Variants in PCDH11X observed in about 807,000 individuals in gnomAD.
The protein encoded by PCDH11X is protocadherin-11 X-linked.
In PCDH11X, 18 loss-of-function variants were observed where a neutral mutation model predicts 53.3. The ratio of observed to expected loss-of-function variants is 0.34; its 90% CI spans 0.23 to 0.50. The LOEUF (loss-of-function observed/expected upper bound fraction) is 0.50. PCDH11X is among the 20% of genes least tolerant of loss of function. The pLI is 0.98. For missense variants in PCDH11X, 570 were observed against 1,032.4 expected, an observed-to-expected ratio of 0.55 and a Z score of 6.14; for synonymous variants, 279 against 393.3, an observed-to-expected ratio of 0.71 and a Z score of 3.44.
intron 5 of PCDH11X, among the ~76,000 whole-genome samples, chrX:91,848,440 G>T (rs1281653878): frequency 2.7e-5 from 3 of 111,209 alleles, no homozygotes; most frequent in African/African-American, 9.8e-5. Flanking sequence ...GAAGATAATT[G>T]ATACCATTGA....
chrX:92,024,604 A>G (rs1325006131), intron 6 of PCDH11X, among the ~76,000 whole-genome samples: 1 of 106,951 alleles, frequency 9.4e-6, no homozygotes, highest in East Asian at 3.0e-4. Context: ...TAATCTATAG[A>G]TTCAATTCTG....
chrX:91,943,722 TAAC>T (rs1458443112), intron 6 of PCDH11X, among the ~76,000 whole-genome samples: 3 of 98,529 alleles, frequency 3.0e-5, no homozygotes, highest in African/African-American at 3.7e-5. Context: ...TATTAGAAGT[TAAC>T]AACACAATCT....
At position 92,100,493 on chromosome X, in the gene PCDH11X, G is replaced by C. The variant is rs373564391; in HGVS notation, c.3034-100882G>C. On this transcript the variant is annotated intron_variant, in intron 6 of 10. Coordinates refer to ENST00000682573, the MANE Select transcript of PCDH11X (RefSeq NM_032968.5). ...TTTGAGCCAGGATGAGCCAGGAAAA[G>C]GACTTTCACAAGGTAATGTCATCAC... 4.5e-5 allele frequency among the ~76,000 whole-genome samples: 5 copies of C among 110,591 alleles called. No individual in the cohort carries two copies. The East Asian group carries it at 1.4e-3, about 32-fold the overall frequency.
At chrX:92,185,977 A>G (rs985228379) in intron 6 of PCDH11X, among the ~76,000 whole-genome samples, 1 of 111,623 alleles carries the variant, frequency 9.0e-6, no homozygotes, top group African/African-American at 3.3e-5. Flanking sequence ...ACAATAAAAC[A>G]ACTATATGAT....
intron 6 of PCDH11X, among the ~76,000 whole-genome samples, chrX:92,188,242 C>A: frequency 9.0e-6 from 1 of 111,364 alleles, no homozygotes; most frequent in East Asian, 2.8e-4. Flanking sequence ...TCGCTCCAGC[C>A]TCTACATTTC....
chrX:91,870,894 A>G (rs1457730036), intron 5 of PCDH11X, among the ~76,000 whole-genome samples: 1 of 110,931 alleles, frequency 9.0e-6, no homozygotes, highest in Non-Finnish European at 1.9e-5. Flanking sequence ...TTTCCTTAGT[A>G]TGACTTTAAA....
chrX:92,300,993 C>G (rs1404491356), intron 8 of PCDH11X, among the ~76,000 whole-genome samples: 2 of 110,818 alleles, frequency 1.8e-5, no homozygotes, highest in Non-Finnish European at 3.8e-5. Context: ...CTTGTGCCAG[C>G]AAGTGAAGGA....
intron 7 of PCDH11X, among the ~76,000 whole-genome samples, chrX:92,234,115 T>C (rs1205873955): frequency 8.9e-6 from 1 of 112,281 alleles, no homozygotes; most frequent in African/African-American, 3.2e-5. Flanking sequence ...TTACCACTTT[T>C]CTAGAAAATG....
chrX:92,442,461 A>T (rs1183058157), intron 9 of PCDH11X, among the ~76,000 whole-genome samples: 2 of 111,339 alleles, frequency 1.8e-5, no homozygotes, highest in Non-Finnish European at 3.8e-5. Context: ...GTACCACAAG[A>T]TCTGATGGTT....
intron 4 of PCDH11X, among the ~76,000 whole-genome samples, chrX:91,811,615 C>A (rs1936295909): frequency 9.0e-6 from 1 of 110,961 alleles, no homozygotes. Flanking sequence ...AAAGAATTGA[C>A]AGTTTACTGA....
At chrX:92,492,894 C>T (rs1168739080) in intron 10 of PCDH11X, among the ~76,000 whole-genome samples, 2 of 111,108 alleles carry the variant, frequency 1.8e-5, no homozygotes, top group African/African-American at 6.5e-5. Context: ...GCCTGCTGTG[C>T]ATTTCTTAAA....
At chrX:92,019,099 G>A (rs1161931834) in intron 6 of PCDH11X, among the ~76,000 whole-genome samples, 1 of 110,906 alleles carries the variant, frequency 9.0e-6, no homozygotes, top group Non-Finnish European at 1.9e-5. Flanking sequence ...GTGGATGGAG[G>A]AAAGTCACAG....
At position 91,970,507 on chromosome X, in the gene PCDH11X, T is replaced by G. The variant is rs182406264; in HGVS notation, c.3033+91234T>G. Among the ~76,000 whole-genome samples, 486 of 111,452 alleles carry G rather than the reference T, an allele frequency of 4.4e-3. 6 individuals are homozygous for G. Among genetic ancestry groups the G allele is most frequent in the African/African-American group, 0.015 (456 of 30,670 alleles). The stretch of plus-strand genomic sequence containing the variant: ...ATTGGTGCGTGTACAAACCTTTAAC[T>G]AGACACAGAATGCTGATTGGTGTGT... On this transcript the variant is annotated intron_variant, in intron 6 of 10. Transcript: ENST00000682573.
At chrX:91,994,638 T>C (rs866876351) in intron 6 of PCDH11X, among the ~76,000 whole-genome samples, 6 of 107,248 alleles carry the variant, frequency 5.6e-5, no homozygotes, top group African/African-American at 1.7e-4. Context: ...AGCATGGTGA[T>C]TTAATTTCCT....
chrX:92,438,614 G>T (rs1047751146), intron 9 of PCDH11X, among the ~76,000 whole-genome samples: 4 of 110,807 alleles, frequency 3.6e-5, no homozygotes, highest in Non-Finnish European at 5.7e-5. Flanking sequence ...TCAATAGAAA[G>T]GTGCCCTTCT....
intron 8 of PCDH11X, among the ~76,000 whole-genome samples, chrX:92,275,326 G>A (rs1412194529): frequency 9.6e-6 from 1 of 104,633 alleles, no homozygotes; most frequent in Non-Finnish European, 2.0e-5. Flanking sequence ...AATTGGACAT[G>A]ATCAGCAGGG....
intron 8 of PCDH11X, among the ~76,000 whole-genome samples, chrX:92,278,531 AG>A (rs2068163979): frequency 1.9e-5 from 2 of 107,312 alleles, no homozygotes; most frequent in African/African-American, 6.8e-5. Flanking sequence ...TTACAGTCAA[AG>A]GGGGTTGTTC....
At chrX:91,855,992 C>A (rs932552219) in intron 5 of PCDH11X, among the ~76,000 whole-genome samples, 12 of 104,130 alleles carry the variant, frequency 1.2e-4, no homozygotes, top group Admixed American at 2.1e-4. Flanking sequence ...ACCTTTATAT[C>A]TTTCTCTTAT....
chrX:91,901,002 G>A (rs1602458111), intron 6 of PCDH11X, among the ~76,000 whole-genome samples: 5 of 111,203 alleles, frequency 4.5e-5, no homozygotes, highest in African/African-American at 1.3e-4. Flanking sequence ...GCACACCGGG[G>A]CCTCAGGAAG....
Sources: gnomAD v4.1 joint callset for allele counts (sites outside exome capture counted in the v4.1 genomes callset) on GRCh38, gnomAD v4.1.1 for gene constraint, MANE v1.5 for transcripts, NCBI Gene and HGNC (gene_info 2026-07-23, HGNC 2026-07-21) for gene names.